The following ADAP1 variants were observed in gnomAD, a reference collection of about 807,000 sequenced individuals.
ADAP1 encodes the protein arf-GAP with dual PH domain-containing protein 1.
ADAP1 carries 31 observed loss-of-function variants against 54.9 expected under a neutral mutation model. The observed-to-expected ratio is 0.56, with a 90% confidence interval of 0.42 to 0.76. The LOEUF (loss-of-function observed/expected upper bound fraction) is 0.76, where lower values mean the gene tolerates loss of function less well. ADAP1 is among the 30% of genes least tolerant of loss of function. The pLI is 0.00. For synonymous variants in ADAP1, 313 were observed against 202.6 expected, an observed-to-expected ratio of 1.55 and a Z score of -4.63; for missense variants, 535 against 512.4, an observed-to-expected ratio of 1.04 and a Z score of -0.42.
chr7:935,539 A>C (rs1322879250), intron 1 of ADAP1, 34 bp from the exon 2 acceptor site: 4 of 1,553,752 alleles, frequency 2.6e-6, no homozygotes, highest in Non-Finnish European at 3.5e-6. Context: ...ACGGAGGCTC[A>C]GCCCAGGGAC....
intron 1 of ADAP1, among the ~76,000 whole-genome samples, chr7:949,978 A>T (rs1413536745): frequency 6.6e-6 from 1 of 152,280 alleles, no homozygotes; most frequent in East Asian, 1.9e-4. Flanking sequence ...AGGGTCTCAG[A>T]GAGACATCTG....
chr7:954,783 C>G (rs1416125443), upstream of ADAP1: 2 of 882,122 alleles, frequency 2.3e-6, no homozygotes, highest in Middle Eastern at 5.6e-4. Flanking sequence ...TCGGCCGCTC[C>G]GGCGCCCCCA....
rs1361393846 is a variant in ADAP1, at chr7:906,703, G to GGGGGACGGGACATC, written c.389-1545_389-1532dup. Among the ~76,000 whole-genome samples the GGGGGACGGGACATC allele has an allele frequency of 4.6e-3, 151 of 32,716 alleles. 5 individuals are homozygous for GGGGGACGGGACATC. Among genetic ancestry groups the GGGGGACGGGACATC allele is most frequent in the African/African-American group, 0.018 (137 of 7,522 alleles). 21.5% of individuals were successfully genotyped at this position (32,716 alleles called of 152,430 possible). A position where few individuals can be genotyped will look rare whatever the true frequency, so the allele number is the denominator to read the frequency against. ...CAGGGGACACGGGGGACATGGACAT[G>GGGGGACGGGACATC]GGGGACGGGACATCGGGGACGGGAC... On this transcript the variant is annotated intron_variant, in intron 4 of 10. Transcript: ENST00000265846.
intron 4 of ADAP1, among the ~76,000 whole-genome samples, chr7:905,847 G>A (rs1583131124): frequency 1.8e-5 from 1 of 56,892 alleles, no homozygotes; most frequent in Non-Finnish European, 4.5e-5. Flanking sequence ...AGGGAGAAGG[G>A]AGAAGGGAGA....
chr7:905,272 CGGGGGACACGGACGGGGGACACGGACA>C (rs768015962), intron 4 of ADAP1, 100 bp from the exon 5 acceptor site: 10,303 of 318,602 alleles, frequency 0.032, 395 homozygotes, highest in Non-Finnish European at 0.039. Context: ...GGAGAAGACA[CGGGGGACACGGACGGGGGACACGGACA>C]GGGGGAGACG....
chr7:954,794 G>A (rs1310992208), upstream of ADAP1: 1 of 830,132 alleles, frequency 1.2e-6, no homozygotes, highest in Non-Finnish European at 1.5e-6. Flanking sequence ...GGCGCCCCCA[G>A]CCCGCGCGCC....
intron 4 of ADAP1, among the ~76,000 whole-genome samples, chr7:906,762 G>GGGGACAT (rs1845456415): frequency 3.0e-5 from 1 of 33,358 alleles, no homozygotes; most frequent in Non-Finnish European, 6.5e-5. Context: ...ACATGGACAG[G>GGGGACAT]GGACATGGGG....
intron 2 of ADAP1, among the ~76,000 whole-genome samples, chr7:934,580 T>TG (rs1352340404): frequency 6.6e-6 from 1 of 152,040 alleles, no homozygotes; most frequent in African/African-American, 2.4e-5. Flanking sequence ...CGAGTGGGGC[T>TG]GGGGTGACCC....
At position 926,315 on chromosome 7, in the gene ADAP1, C is replaced by G. The variant is rs1846385151; in HGVS notation, c.305+238G>C. On this transcript the variant is annotated intron_variant, in intron 3 of 10. Coordinates refer to ENST00000265846, the MANE Select transcript of ADAP1 (RefSeq NM_006869.4). This position sits in a 1 kb window ranked among gnomAD's most constrained non-coding sequence, Gnocchi z 4.6. ...CTCAGCGAACCTGGGTGGGCTGTAG[C>G]TACTGATGCACAATGACCTTCCCAG... is the stretch of plus-strand genomic sequence containing the variant. Among the ~76,000 whole-genome samples the G allele has an allele frequency of 6.9e-6, 1 of 145,472 alleles. No individual in the cohort carries two copies. Among genetic ancestry groups the G allele is most frequent in the African/African-American group, 2.5e-5 (1 of 39,584 alleles).
Position 900,543 on chromosome 7 carries a change from C to CTGGT in ADAP1, c.721_722insACCA (p.Gly241AspfsTer40). ...AGGGCCGCCACTCACATCTGCGTCG[C>CTGGT]CGGCCCCTGGGAATGCCACCTGCAG... is the stretch of plus-strand genomic sequence containing the variant. On this transcript the variant is annotated frameshift_variant, in exon 7 of 11. Transcript: ENST00000265846. LOFTEE classifies it high-confidence loss of function. 1 of 1,609,142 alleles carries CTGGT rather than the reference C, an allele frequency of 6.2e-7. No homozygotes were observed. The highest frequency in any genetic ancestry group is 8.5e-7 in the Non-Finnish European group (1 of 1,178,360).
At chr7:908,148 G>T (rs115437481) in intron 4 of ADAP1, among the ~76,000 whole-genome samples, 3,090 of 152,250 alleles carry the variant, frequency 0.02, 106 homozygotes, top group African/African-American at 0.07. Flanking sequence ...AGGGACGCGA[G>T]GGGGCTGTGG....
At chr7:935,676 C>G (rs938953440) in intron 1 of ADAP1, among the ~76,000 whole-genome samples, 171 bp from the exon 2 acceptor site, 2 of 150,374 alleles carry the variant, frequency 1.3e-5, no homozygotes, top group Non-Finnish European at 2.9e-5. Flanking sequence ...CCAGCTCCCC[C>G]CCCGCCCTCT....
chr7:947,128 C>T (rs531811067), intron 1 of ADAP1, among the ~76,000 whole-genome samples: 5 of 151,988 alleles, frequency 3.3e-5, no homozygotes, highest in Admixed American at 1.3e-4. Context: ...CAGCCTCGGC[C>T]TCCTGGGCTC....
rs1847341309 is a variant in ADAP1, at chr7:954,503, T to G, written c.-26A>C. On this transcript the variant is annotated 5_prime_UTR_variant, in exon 1 of 11. Transcript: ENST00000265846. ...GGCCGCGATGCGCCCGCGATGCCGA[T>G]GCCGGGGCCGGGGCCGGGAGCGTCA... is the stretch of plus-strand genomic sequence containing the variant. 5 of 1,013,108 alleles carry G rather than the reference T, an allele frequency of 4.9e-6. No homozygotes were observed. The highest frequency in any genetic ancestry group is 1.7e-5 in the African/African-American group (1 of 57,214). 62.8% of individuals were successfully genotyped at this position (1,013,108 alleles called of 1,614,324 possible).
Position 904,231 on chromosome 7 carries a change from G to A in ADAP1, c.543C>T (p.Asn181=), listed in dbSNP as rs61730955. 0.057 allele frequency: 91,490 copies of A among 1,609,318 alleles called. 2,873 individuals are homozygous for A. The highest frequency in any genetic ancestry group is 0.068 in the Middle Eastern group (412 of 6,042). The change falls in exon 6 of 11, where the codon AAC becomes AAT. Residue 181 remains asparagine, a synonymous_variant. Transcript: ENST00000265846. ...PKAVMKIEHL[N]ATFQPAKIGH... ...CGATCTTGGCCGGCTGGAAGGTGGC[G>A]TTCAGGTGCTCGATCTTCATCACGG...
chr7:918,674 G>A (rs1318189088), intron 4 of ADAP1, among the ~76,000 whole-genome samples: 1 of 152,194 alleles, frequency 6.6e-6, no homozygotes, highest in Non-Finnish European at 1.5e-5. Flanking sequence ...CCGTGCTGAC[G>A]TTCAGAACCA....
At chr7:917,815 G>A (rs986369818) in intron 4 of ADAP1, among the ~76,000 whole-genome samples, 12 of 152,128 alleles carry the variant, frequency 7.9e-5, no homozygotes, top group African/African-American at 2.9e-4. Context: ...CTGACGTCCA[G>A]GCTGGAGTGT....
intron 1 of ADAP1, among the ~76,000 whole-genome samples, chr7:951,237 G>T (rs534657194): frequency 2.6e-5 from 4 of 152,222 alleles, no homozygotes; most frequent in African/African-American, 9.6e-5. Flanking sequence ...GCCGGGCGTG[G>T]TGGCGGGTGC....
chr7:954,309 G>C, intron 1 of ADAP1, 87 bp downstream of exon 1: 19 of 957,324 alleles, frequency 2.0e-5, no homozygotes, highest in Non-Finnish European at 2.1e-5. Context: ...TCCCCCGCCC[G>C]GTCCCCGGGG....
Sources: gnomAD v4.1 joint callset for allele counts (sites outside exome capture counted in the v4.1 genomes callset) on GRCh38, gnomAD v4.1.1 for gene constraint, Gnocchi (gnomAD v3.1) non-coding constraint, MANE v1.5 for transcripts, NCBI Gene and HGNC (gene_info 2026-07-23, HGNC 2026-07-21) for gene names.